The following RASEF variants were observed in gnomAD, a reference collection of about 807,000 sequenced individuals.
RASEF encodes ras and EF-hand domain-containing protein.
A neutral mutation model predicts 90.1 loss-of-function variants in RASEF; 68 were observed. The observed-to-expected ratio is 0.75, with a 90% CI of 0.62 to 0.92. The LOEUF is 0.92. RASEF is among the 40% of genes least tolerant of loss of function. The pLI, the probability that RASEF is intolerant of heterozygous loss-of-function variation, is 0.00. For missense variants in RASEF, 949 were observed against 937.2 expected, an observed-to-expected ratio of 1.01 and a Z score of -0.16; for synonymous variants, 331 against 345.2, an observed-to-expected ratio of 0.96 and a Z score of 0.46.
At chr9:83,138,489 A>T in the RASEF span, among the ~76,000 whole-genome samples, 2 of 152,210 alleles carry the variant, frequency 1.3e-5, no homozygotes, top group African/African-American at 4.8e-5. Flanking sequence ...GCAAACAAAG[A>T]ATTATAATGG....
the RASEF span, among the ~76,000 whole-genome samples, chr9:83,173,036 T>A: frequency 1.1e-4 from 17 of 152,132 alleles, no homozygotes; most frequent in Admixed American, 9.8e-4. Context: ...GTTGAATGTT[T>A]TATTTCCTTC....
intron 5 of RASEF, among the ~76,000 whole-genome samples, chr9:83,010,706 T>A (rs1829224038): frequency 6.6e-6 from 1 of 152,048 alleles, no homozygotes; most frequent in Non-Finnish European, 1.5e-5. Context: ...ACTAAGTGGC[T>A]CCTGTAAAAA....
the RASEF span, among the ~76,000 whole-genome samples, chr9:83,124,767 A>C: frequency 6.6e-6 from 1 of 152,154 alleles, no homozygotes; most frequent in African/African-American, 2.4e-5. Flanking sequence ...GAAAACATAG[A>C]TGGGGAAAAG....
At chr9:83,184,130 A>G in the RASEF span, among the ~76,000 whole-genome samples, 221 of 152,316 alleles carry the variant, frequency 1.5e-3, 1 homozygote, top group African/African-American at 4.8e-3. Flanking sequence ...CCACAAGTCA[A>G]TGGGGGAAGG....
chr9:83,081,459 T>C, the RASEF span, among the ~76,000 whole-genome samples: 1 of 152,154 alleles, frequency 6.6e-6, no homozygotes, highest in Admixed American at 6.5e-5. Context: ...AAAAATAGTA[T>C]AAAAACCTCG....
At chr9:83,102,124 C>G in the RASEF span, among the ~76,000 whole-genome samples, 1 of 152,316 alleles carries the variant, frequency 6.6e-6, no homozygotes, top group African/African-American at 2.4e-5. Flanking sequence ...GTTGCCCAGG[C>G]TGGAGTGCAT....
chr9:83,003,328 C>T (rs185719944), intron 9 of RASEF, among the ~76,000 whole-genome samples: 161 of 152,238 alleles, frequency 1.1e-3, no homozygotes, highest in Middle Eastern at 3.4e-3. Flanking sequence ...ATGCTGGGGA[C>T]GTGATGACTT....
the RASEF span, among the ~76,000 whole-genome samples, chr9:83,119,172 ATTT>A: frequency 0.014 from 1,689 of 119,396 alleles, 24 homozygotes; most frequent in African/African-American, 0.046. Flanking sequence ...CATGCGGGCT[ATTT>A]TTTTTTTTTT....
chr9:83,036,012 G>A (rs1564084611), intron 1 of RASEF, among the ~76,000 whole-genome samples: 1 of 152,212 alleles, frequency 6.6e-6, no homozygotes, highest in Non-Finnish European at 1.5e-5. Context: ...AATCCAGGGT[G>A]AATTTGTTGT....
the RASEF span, among the ~76,000 whole-genome samples, chr9:83,200,578 C>G: frequency 6.6e-6 from 1 of 152,152 alleles, no homozygotes; most frequent in East Asian, 1.9e-4. Context: ...AAAATCAGTC[C>G]TTCCAATGCT....
At chr9:83,173,420 A>C in the RASEF span, among the ~76,000 whole-genome samples, 1 of 151,420 alleles carries the variant, frequency 6.6e-6, no homozygotes, top group Non-Finnish European at 1.5e-5. Context: ...AATGTACTTT[A>C]TTCTTTTTCA....
the RASEF span, among the ~76,000 whole-genome samples, chr9:83,171,851 T>C: frequency 1.3e-5 from 2 of 151,750 alleles, no homozygotes; most frequent in Non-Finnish European, 3.0e-5. Context: ...TTTTGTATGT[T>C]TTCAAAATGC....
chr9:83,013,462 C>A (rs1299252296), intron 4 of RASEF, among the ~76,000 whole-genome samples: 1 of 152,198 alleles, frequency 6.6e-6, no homozygotes, highest in African/African-American at 2.4e-5. Context: ...GATTTAAACA[C>A]GCATTTTGAC....
At chr9:83,091,985 A>G in the RASEF span, among the ~76,000 whole-genome samples, 1 of 32,998 alleles carries the variant, frequency 3.0e-5, no homozygotes, top group Non-Finnish European at 7.8e-5. Flanking sequence ...ACATTTTTAT[A>G]TTCTTTTTCT....
the RASEF span, among the ~76,000 whole-genome samples, chr9:83,131,147 T>G: frequency 2.0e-5 from 3 of 152,208 alleles, no homozygotes; most frequent in Non-Finnish European, 2.9e-5. Context: ...CAACAGGATT[T>G]GTTCACAAAT....
the RASEF span, among the ~76,000 whole-genome samples, chr9:83,153,873 C>T: frequency 2.6e-5 from 4 of 152,240 alleles, no homozygotes; most frequent in Non-Finnish European, 4.4e-5. Flanking sequence ...GGAATGTCAT[C>T]TCACTGAGGT....
In RASEF at chr9:83,055,456, G is replaced by T. The variant is rs549691031; in HGVS notation, c.431+6981C>A. 9.2e-6 allele frequency: 6 copies of T among 652,568 alleles called. No homozygotes were observed. The South Asian group carries it at 9.5e-5, about 10-fold the overall frequency. 40.4% of individuals were successfully genotyped at this position (652,568 alleles called of 1,614,324 possible). A position where few individuals can be genotyped will look rare whatever the true frequency, so the allele number is the denominator to read the frequency against. ...TGCGCCCACTGTCTCGCACTCCGTAGTGAGATGAACCCGGTACCTCAGATG... is the reference window on the plus strand; with the variant it reads ...TGCGCCCACTGTCTCGCACTCCGTATTGAGATGAACCCGGTACCTCAGATG... On this transcript the variant is annotated intron_variant, in intron 1 of 16. Coordinates refer to ENST00000376447, the MANE Select transcript of RASEF (RefSeq NM_152573.4).
At chr9:83,048,052 C>T in intron 1 of RASEF, 2 of 924,900 alleles carry the variant, frequency 2.2e-6, no homozygotes, top group Non-Finnish European at 2.6e-6. Flanking sequence ...AGTGGCTTTC[C>T]TCCCAGCATA....
chr9:83,036,556 T>C (rs1406851634), intron 1 of RASEF, among the ~76,000 whole-genome samples: 1 of 152,208 alleles, frequency 6.6e-6, no homozygotes, highest in East Asian at 1.9e-4. Flanking sequence ...GCAATGCTTT[T>C]ACATTTCGCA....
Sources: allele counts gnomAD v4.1 joint callset (sites outside exome capture counted in the v4.1 genomes callset), GRCh38; gene constraint gnomAD v4.1.1; transcripts MANE v1.5; gene names NCBI Gene and HGNC (gene_info 2026-07-23, HGNC 2026-07-21).